MRAP2: variants seen among roughly 807,000 people sequenced by gnomAD.
The protein encoded by MRAP2 is melanocortin 2 receptor accessory protein 2.
Under a neutral mutation model 17.4 loss-of-function variants are expected in MRAP2, and 20 were observed. The ratio of observed to expected loss-of-function variants is 1.15; its 90% CI spans 0.81 to 1.67. The LOEUF is 1.67. MRAP2 is among the 40% of genes most tolerant of loss of function. The probability of loss-of-function intolerance (pLI) is 0.00; values close to 1 mark genes in which losing one functional copy is unlikely to be tolerated. For synonymous variants in MRAP2, 96 were observed against 88.4 expected (o/e 1.09, Z -0.48); for missense variants, 238 against 240.0 (o/e 0.99, Z 0.05).
chr6:84,120,071 C>T, the MRAP2 span, among the ~76,000 whole-genome samples: 1 of 152,194 alleles, frequency 6.6e-6, no homozygotes, highest in South Asian at 2.1e-4. Flanking sequence ...CCAAGTCCAA[C>T]AGCCTGAGAA....
the MRAP2 span, among the ~76,000 whole-genome samples, chr6:84,131,259 A>C: frequency 2.6e-5 from 4 of 152,116 alleles, no homozygotes; most frequent in African/African-American, 9.7e-5. Context: ...TTTGCTGAGG[A>C]GTGTTTTACT....
At chr6:84,130,220 G>A in the MRAP2 span, among the ~76,000 whole-genome samples, 3 of 152,276 alleles carry the variant, frequency 2.0e-5, no homozygotes, top group Middle Eastern at 3.4e-3. Flanking sequence ...CTTGATCATG[G>A]TGGATAAGCT....
At chr6:84,103,379 G>A in the MRAP2 span, among the ~76,000 whole-genome samples, 1 of 152,190 alleles carries the variant, frequency 6.6e-6, no homozygotes, top group Non-Finnish European at 1.5e-5. Context: ...CTTTGTGTGT[G>A]AGGCTGGACT....
chr6:84,134,554 G>A, the MRAP2 span, among the ~76,000 whole-genome samples: 2 of 152,262 alleles, frequency 1.3e-5, no homozygotes, highest in South Asian at 2.1e-4. Context: ...GGAGTGCACC[G>A]TTCCTCATGG....
chr6:84,050,166 G>A (rs946380182), intron 1 of MRAP2, among the ~76,000 whole-genome samples: 1 of 152,140 alleles, frequency 6.6e-6, no homozygotes, highest in African/African-American at 2.4e-5. Context: ...CCCCAGGAAA[G>A]ACATCACTGA....
chr6:84,051,727 A>T (rs2129162992), intron 1 of MRAP2, among the ~76,000 whole-genome samples: 1 of 152,256 alleles, frequency 6.6e-6, no homozygotes, highest in South Asian at 2.1e-4. Context: ...TGTCTCAAAA[A>T]AAGGGGAGCG....
intron 3 of MRAP2, among the ~76,000 whole-genome samples, chr6:84,084,578 A>T (rs2099499791): frequency 6.6e-6 from 1 of 152,190 alleles, no homozygotes; most frequent in South Asian, 2.1e-4. Flanking sequence ...TTGCATTTTG[A>T]CTGGAATGCC....
chr6:84,118,385 T>TC, the MRAP2 span, among the ~76,000 whole-genome samples: 1 of 146,322 alleles, frequency 6.8e-6, no homozygotes, highest in Non-Finnish European at 1.5e-5. Flanking sequence ...GTCCCACCCC[T>TC]CCCCCAGGGC....
chr6:84,089,620 C>G lies in MRAP2; in HGVS notation c.*139C>G. On this transcript the variant is annotated 3_prime_UTR_variant, in exon 4 of 4. Coordinates refer to ENST00000257776, the MANE Select transcript of MRAP2 (RefSeq NM_138409.4). ...GAGACAGAGAGGCAGAGAAGAGACC[C>G]CTTTAGAAGAGAGCTGAGCTGATTA... is the stretch of plus-strand genomic sequence containing the variant. 4.0e-6 allele frequency: 4 copies of G among 1,004,840 alleles called. No individual in the cohort carries two copies. Among genetic ancestry groups the G allele is most frequent in the Non-Finnish European group, 5.8e-6 (4 of 694,822 alleles). The allele number at this position is 1,004,840 out of a possible 1,614,324, so 62.2% of individuals were successfully genotyped here. A position where few individuals can be genotyped will look rare whatever the true frequency, so the allele number is the denominator to read the frequency against.
chr6:84,062,055 C>A lies in MRAP2; in HGVS notation c.128-838C>A, dbSNP rs966561650. The stretch of plus-strand genomic sequence containing the variant: ...AGAAGTAATGAGAGCCTGAATTATC[C>A]ATGGTGAACGTAAGTGAGAATGCAA... On this transcript the variant is annotated intron_variant, in intron 2 of 3. Coordinates refer to ENST00000257776, the MANE Select transcript of MRAP2 (RefSeq NM_138409.4). 1.1e-4 allele frequency: 105 copies of A among 985,316 alleles called. No individual in the cohort carries two copies. The African/African-American group carries it at 1.7e-3, about 16-fold the overall frequency. The allele number at this position is 985,316 out of a possible 1,614,324, so 61.0% of individuals were successfully genotyped here.
chr6:84,113,725 G>A, the MRAP2 span, among the ~76,000 whole-genome samples: 696 of 152,306 alleles, frequency 4.6e-3, 31 homozygotes, highest in Admixed American at 0.042. Flanking sequence ...GCTGGTACTG[G>A]TTGTTCCTTT....
chr6:84,041,286 G>A (rs1051207157), intron 1 of MRAP2, among the ~76,000 whole-genome samples: 2 of 152,250 alleles, frequency 1.3e-5, no homozygotes, highest in East Asian at 1.9e-4. Context: ...GATTACAGAG[G>A]ATATATAGAA....
At chr6:84,115,879 C>T in the MRAP2 span, among the ~76,000 whole-genome samples, 1 of 152,130 alleles carries the variant, frequency 6.6e-6, no homozygotes, top group African/African-American at 2.4e-5. Context: ...AGGCCCCACC[C>T]TGCTTCAGCT....
rs541083998 is a variant in MRAP2, at chr6:84,089,141, A to G, written c.278A>G (p.Asp93Gly). The stretch of plus-strand genomic sequence containing the variant: ...TTCAGAATGAACAGCTTTGTGTCAG[A>G]CTTTGGAAGACCTCTGGAGCCAGAT... ...KRFRMNSFVS[D>G]FGRPLEPDKV... is the part of the protein sequence containing the mutation. The change falls in exon 4 of 4, where the codon GAC becomes GGC. Residue 93 changes from aspartate to glycine, a missense_variant. Physicochemically the swap from Asp to Gly is moderately conservative, Grantham distance 94 (BLOSUM62 -1). Coordinates refer to ENST00000257776, the MANE Select transcript of MRAP2 (RefSeq NM_138409.4). 6.2e-7 allele frequency: 1 copy of G among 1,614,164 alleles called. No homozygotes were observed. The highest frequency in any genetic ancestry group is 8.5e-7 in the Non-Finnish European group (1 of 1,180,022).
At chr6:84,076,930 A>G (rs2099497783) in intron 3 of MRAP2, among the ~76,000 whole-genome samples, 1 of 152,232 alleles carries the variant, frequency 6.6e-6, no homozygotes, top group Admixed American at 6.5e-5. Flanking sequence ...ATTTGTCTTC[A>G]GGGTCACAGA....
intron 1 of MRAP2, among the ~76,000 whole-genome samples, chr6:84,048,351 T>C (rs1172960554): frequency 1.3e-5 from 2 of 152,230 alleles, no homozygotes; most frequent in East Asian, 3.8e-4. Context: ...GCATTTCTTT[T>C]TGATAGTTGA....
In MRAP2 at chr6:84,045,231, C is replaced by T. The variant is rs960045471; in HGVS notation, c.-7-10081C>T. On this transcript the variant is annotated intron_variant, in intron 1 of 3. Transcript: ENST00000257776. ...TATACACAATGAATGATGATAGTGA[C>T]GCTGGACATGCTGGACATCGGGCAG... The T allele has an allele frequency of 1.5e-5, 15 of 985,168 alleles. No individual in the cohort carries two copies. In the African/African-American group the frequency reaches 2.1e-4, roughly 14 times the overall value. 61.0% of individuals were successfully genotyped at this position (985,168 alleles called of 1,614,324 possible).
chr6:84,060,852 A>ATTTTTTTTTT (rs771171189), intron 2 of MRAP2, among the ~76,000 whole-genome samples: 2 of 119,548 alleles, frequency 1.7e-5, no homozygotes, highest in Non-Finnish European at 3.3e-5. Flanking sequence ...CACCCGGCTA[A>ATTTTTTTTTT]TTTTTTTTTT....
the MRAP2 span, among the ~76,000 whole-genome samples, chr6:84,142,990 G>A: frequency 6.6e-6 from 1 of 151,940 alleles, no homozygotes; most frequent in African/African-American, 2.4e-5. Flanking sequence ...AGTACATTAA[G>A]TAAATATTAG....
Sources: allele counts gnomAD v4.1 joint callset (sites outside exome capture counted in the v4.1 genomes callset), GRCh38; gene constraint gnomAD v4.1.1; transcripts MANE v1.5; gene names NCBI Gene and HGNC (gene_info 2026-07-23, HGNC 2026-07-21).